CDC7: variants seen among roughly 807,000 people sequenced by gnomAD.
CDC7 encodes the protein cell division cycle 7, also known as cell division cycle 7-related protein kinase.
In CDC7, 34 loss-of-function variants were observed where a neutral mutation model predicts 53.5. The observed-to-expected ratio is 0.64, with a 90% CI of 0.48 to 0.85. The LOEUF is 0.85. Ranked by LOEUF, CDC7 falls within the 40% of genes least tolerant of loss-of-function variation. The probability of loss-of-function intolerance (pLI) is 0.00; values close to 1 mark genes in which losing one functional copy is unlikely to be tolerated. For missense variants in CDC7, 594 were observed against 679.7 expected, an observed-to-expected ratio of 0.87 and a Z score of 1.40; for synonymous variants, 211 against 222.8, an observed-to-expected ratio of 0.95 and a Z score of 0.47.
chr1:91,521,452 A>G (rs538486323), intron 11 of CDC7, among the ~76,000 whole-genome samples: 1 of 152,310 alleles, frequency 6.6e-6, no homozygotes, highest in South Asian at 2.1e-4. Flanking sequence ...TTGCCAAAAT[A>G]TGTTTCTACA....
rs868707084 is a variant in CDC7, at chr1:91,501,611, T to A, written c.-63-43T>A. The stretch of plus-strand genomic sequence containing the variant: ...CAGTAGCATGTTTTTAGTGCGTGGT[T>A]TAGCGAGTGATCTAAATTTCTCTAG... On this transcript the variant is annotated intron_variant, in intron 1 of 11. Transcript: ENST00000234626. The A allele has an allele frequency of 9.1e-5, 75 of 824,722 alleles. 2 individuals are homozygous for A. The Middle Eastern group carries it at 4.3e-3, about 48-fold the overall frequency. 51.1% of individuals were successfully genotyped at this position (824,722 alleles called of 1,614,324 possible). A position where few individuals can be genotyped will look rare whatever the true frequency, so the allele number is the denominator to read the frequency against.
At chr1:91,520,814 G>C (rs920220235) in intron 11 of CDC7, among the ~76,000 whole-genome samples, 20 of 152,176 alleles carry the variant, frequency 1.3e-4, no homozygotes, top group African/African-American at 4.6e-4. Context: ...CGGTAGCAGA[G>C]AAGCAGAATG....
At chr1:91,520,077 A>G in intron 10 of CDC7, 53 bp from the exon 11 acceptor site, 1 of 1,404,294 alleles carries the variant, frequency 7.1e-7, no homozygotes, top group African/African-American at 1.5e-5. Flanking sequence ...ATTGATTTAG[A>G]TGATAAAATT....
At chr1:91,509,371 CAAA>C (rs200506949) in intron 4 of CDC7, among the ~76,000 whole-genome samples, 1 of 103,464 alleles carries the variant, frequency 9.7e-6, no homozygotes, top group Non-Finnish European at 2.1e-5. Context: ...CTTAACATAC[CAAA>C]AAAAAAAAAA....
intron 11 of CDC7, among the ~76,000 whole-genome samples, 155 bp from the exon 12 acceptor site, chr1:91,523,886 A>G (rs1571344324): frequency 1.0e-5 from 1 of 96,292 alleles, no homozygotes; most frequent in African/African-American, 3.9e-5. Flanking sequence ...GTGGTGCTCT[A>G]TCTCATACTG....
At chr1:91,512,494 A>G (rs1185473746) in intron 6 of CDC7, among the ~76,000 whole-genome samples, 1 of 152,058 alleles carries the variant, frequency 6.6e-6, no homozygotes, top group Non-Finnish European at 1.5e-5. Flanking sequence ...CATGATAGCC[A>G]ATTTCCTGTT....
intron 4 of CDC7, among the ~76,000 whole-genome samples, chr1:91,511,096 C>T (rs537662657): frequency 3.3e-5 from 5 of 152,096 alleles, no homozygotes; most frequent in African/African-American, 1.2e-4. Flanking sequence ...ACTGGCTTCT[C>T]TACTCATTTT....
At chr1:91,505,446 C>A (rs142526653) in intron 2 of CDC7, among the ~76,000 whole-genome samples, 26 of 152,222 alleles carry the variant, frequency 1.7e-4, no homozygotes, top group African/African-American at 5.8e-4. Context: ...CAGATAGACT[C>A]CAGGCTGGCA....
chr1:91,508,446 A>AT, intron 4 of CDC7, 49 bp downstream of exon 4: 1 of 1,432,500 alleles, frequency 7.0e-7, no homozygotes, highest in Non-Finnish European at 9.6e-7. Flanking sequence ...AATTTATAAG[A>AT]TTTTAAAGTA....
chr1:91,511,163 C>T (rs942220488), intron 4 of CDC7, among the ~76,000 whole-genome samples: 3 of 152,176 alleles, frequency 2.0e-5, no homozygotes, highest in Admixed American at 6.5e-5. Flanking sequence ...CACCTTTGTC[C>T]TATTTTCCTC....
chr1:91,510,741 A>T (rs529522953), intron 4 of CDC7, among the ~76,000 whole-genome samples: 1 of 152,292 alleles, frequency 6.6e-6, no homozygotes, highest in East Asian at 1.9e-4. Flanking sequence ...CCATTGTGTT[A>T]TATTTTCCTT....
intron 6 of CDC7, among the ~76,000 whole-genome samples, chr1:91,512,183 T>A (rs377293164): frequency 1.1e-4 from 16 of 152,230 alleles, no homozygotes; most frequent in Admixed American, 4.6e-4. Context: ...TCTAGATTTA[T>A]TTATCCTACA....
chr1:91,506,354 T>C (rs575707975), intron 2 of CDC7, among the ~76,000 whole-genome samples: 1 of 152,202 alleles, frequency 6.6e-6, no homozygotes, highest in South Asian at 2.1e-4. Context: ...TCCAAGCCTT[T>C]TTTTTTTCTT....
intron 2 of CDC7, among the ~76,000 whole-genome samples, chr1:91,504,649 A>G (rs13447476): frequency 2.6e-5 from 4 of 152,118 alleles, no homozygotes; most frequent in East Asian, 1.9e-4. Context: ...GCTTACGGCT[A>G]TTGTCACAAT....
intron 10 of CDC7, 89 bp from the exon 11 acceptor site, chr1:91,520,041 C>G: frequency 9.4e-7 from 1 of 1,061,302 alleles, no homozygotes; most frequent in Non-Finnish European, 1.3e-6. Context: ...CAAGGTGATT[C>G]TAATGCATAA....
At chr1:91,506,527 G>A (rs1028268029) in intron 2 of CDC7, among the ~76,000 whole-genome samples, 1 of 152,114 alleles carries the variant, frequency 6.6e-6, no homozygotes, top group Non-Finnish European at 1.5e-5. Context: ...TTTATTACAG[G>A]TGTCACCTTG....
chr1:91,513,890 C>G, intron 7 of CDC7, 58 bp from the exon 8 acceptor site: 1 of 1,200,564 alleles, frequency 8.3e-7, no homozygotes, highest in Non-Finnish European at 1.2e-6. Flanking sequence ...CAGAGTACAG[C>G]TGGCAGAAAG....
At position 91,524,737 on chromosome 1, in the gene CDC7, G is replaced by A. The variant is rs1206809382; in HGVS notation, c.*302G>A. ...TTCACTGACATATACAGAAAAAGGA[G>A]CAGTTTTAGTTTTAATTAATTAAAA... On this transcript the variant is annotated 3_prime_UTR_variant, in exon 12 of 12. Coordinates refer to ENST00000234626, the MANE Select transcript of CDC7 (RefSeq NM_003503.4). The A allele has an allele frequency of 8.0e-6, 2 of 248,452 alleles. No homozygotes were observed. Among genetic ancestry groups the A allele is most frequent in the African/African-American group, 4.5e-5 (2 of 44,612 alleles). 15.4% of individuals were successfully genotyped at this position (248,452 alleles called of 1,614,324 possible).
intron 8 of CDC7, among the ~76,000 whole-genome samples, chr1:91,514,444 G>A (rs561391298): frequency 2.6e-5 from 4 of 152,298 alleles, no homozygotes; most frequent in African/African-American, 9.6e-5. Context: ...TCTTGTGACA[G>A]CTAGACAGCA....
Sources: gnomAD v4.1 joint callset for allele counts (sites outside exome capture counted in the v4.1 genomes callset) on GRCh38, gnomAD v4.1.1 for gene constraint, MANE v1.5 for transcripts, NCBI Gene and HGNC (gene_info 2026-07-23, HGNC 2026-07-21) for gene names.